The following ABCA7 variants were observed in gnomAD, a reference collection of about 807,000 sequenced individuals.
ABCA7 encodes the protein ATP binding cassette subfamily A member 7.
A neutral mutation model predicts 227.6 loss-of-function variants in ABCA7; 261 were observed. That is an observed-to-expected ratio of 1.15 (90% CI 1.04 to 1.27). The LOEUF (loss-of-function observed/expected upper bound fraction) is 1.27, where lower values mean the gene tolerates loss of function less well. Among genes scored for constraint, ABCA7 ranks in the 50% most tolerant of loss-of-function variants. The pLI, the probability that ABCA7 is intolerant of heterozygous loss-of-function variation, is 0.00. For synonymous variants in ABCA7, 1,488 were observed against 1,279.7 expected, an observed-to-expected ratio of 1.16 and a Z score of -3.47; for missense variants, 3,331 against 2,924.5, an observed-to-expected ratio of 1.14 and a Z score of -3.21.
Position 1,062,360 on chromosome 19 carries a change from G to T in ABCA7, c.5712+47G>T, listed in dbSNP as rs781313932. 2.5e-6 allele frequency: 4 copies of T among 1,586,348 alleles called. No individual in the cohort carries two copies. In the South Asian group the frequency reaches 4.5e-5, roughly 18 times the overall value. On this transcript the variant is annotated intron_variant, in intron 42 of 46. Transcript: ENST00000263094. The stretch of plus-strand genomic sequence containing the variant: ...CGCTCTCACCTCCCAGGGCCCACCC[G>T]ACCCAGGCCGTGCCTCTAAAGCCTG...
In ABCA7 at chr19:1,054,985, A is replaced by G; in HGVS notation, c.3950+107A>G. 1 of 1,534,050 alleles carries G rather than the reference A, an allele frequency of 6.5e-7. No homozygotes were observed. Among genetic ancestry groups the G allele is most frequent in the Non-Finnish European group, 8.8e-7 (1 of 1,138,024 alleles). On this transcript the variant is annotated intron_variant, in intron 29 of 46. Transcript: ENST00000263094. The surrounding 1 kb of genome is among the most constrained non-coding windows in gnomAD (Gnocchi z 4.8). ...GGCACCTGGAGCATCCCCTGTGCCCACCTGGGAGCTGGGAGCCTCTGTGGC... is the reference window on the plus strand; with the variant it reads ...GGCACCTGGAGCATCCCCTGTGCCCGCCTGGGAGCTGGGAGCCTCTGTGGC...
At position 1,046,749 on chromosome 19, in the gene ABCA7, A is replaced by AGG. The variant is rs142547735; in HGVS notation, c.1623-47_1623-46dup. On this transcript the variant is annotated intron_variant, in intron 13 of 46. Coordinates refer to ENST00000263094, the MANE Select transcript of ABCA7 (RefSeq NM_019112.4). ...ACCAGTCGTGCCAGATGGTGGGCGG[A>AGG]GGGGGGGTCTGCGGAGGGTCTCCAG... The AGG allele has an allele frequency of 8.7e-5, 129 of 1,482,892 alleles. No individual in the cohort carries two copies. The East Asian group carries it at 2.5e-3, about 29-fold the overall frequency. The allele number at this position is 1,482,892 out of a possible 1,614,324, so 91.9% of individuals were successfully genotyped here.
At chr19:1,062,664 AC>A (rs2042739154) in intron 42 of ABCA7, among the ~76,000 whole-genome samples, 5 of 151,840 alleles carry the variant, frequency 3.3e-5, no homozygotes, top group African/African-American at 1.2e-4. Context: ...CGCTGGGGTC[AC>A]GGTCACATTC....
chr19:1,045,553 C>T (rs928318224), intron 12 of ABCA7: 21 of 337,496 alleles, frequency 6.2e-5, no homozygotes, highest in Middle Eastern at 8.5e-4. Context: ...GGGTGCTGAG[C>T]GCAGTAGATC....
rs776624750 is a variant in ABCA7 at position 1,049,287 on chromosome 19, C to T, written c.2402C>T (p.Pro801Leu). ...DPKVLVEEAP[P>L]GLSPGVSVRS... ...GCAGTGCTGGTAGAAGAGGCACCGC[C>T]CGGCCTGAGTCCTGGCGTCTCCGTT... is the stretch of plus-strand genomic sequence containing the variant. Residue 801 changes from proline (P) to leucine (L), a missense_variant, in exon 18 of 47, where the codon CCC becomes CTC. By Grantham distance (98) the Pro-to-Leu change is moderately conservative. Coordinates refer to ENST00000263094, the MANE Select transcript of ABCA7 (RefSeq NM_019112.4). 2.5e-6 allele frequency: 4 copies of T among 1,609,104 alleles called. No homozygotes were observed. The South Asian group carries it at 4.4e-5, about 18-fold the overall frequency.
chr19:1,059,722 C>A lies in ABCA7; in HGVS notation c.5463+637C>A, dbSNP rs990098201. On this transcript the variant is annotated intron_variant, in intron 40 of 46. Transcript: ENST00000263094. ...GGGACTGCAGGCGCCTGCCATCACG[C>A]CTGGCTAATTTTTGTATTTTTAGTA... Among the ~76,000 whole-genome samples the A allele has an allele frequency of 2.0e-5, 3 of 151,652 alleles. No individual in the cohort carries two copies. In the Admixed American group the frequency reaches 2.0e-4, roughly 10 times the overall value.
intron 45 of ABCA7, 123 bp from the exon 46 acceptor site, chr19:1,064,808 C>T (rs2042934016): frequency 2.2e-6 from 3 of 1,392,938 alleles, no homozygotes; most frequent in Admixed American, 3.0e-5. Context: ...GACGGGAGGA[C>T]CACTTGATCG....
At chr19:1,046,040 C>A (rs28680440) in intron 12 of ABCA7, among the ~76,000 whole-genome samples, 190 bp from the exon 13 acceptor site, 1 of 152,092 alleles carries the variant, frequency 6.6e-6, no homozygotes, top group Non-Finnish European at 1.5e-5. Flanking sequence ...ATTAGCCAGG[C>A]GACTTGGGAG....
rs762951928 is a variant in ABCA7 at position 1,064,245 on chromosome 19, C to G, written c.6036C>G (p.Leu2012=). Reference sequence around the variant, plus strand: ...GCTGCCTGGGCAGCCCGCAACATCTCAAGGGCAGGTGAGCCGGCGCGGCCT... The same window carrying G: ...GCTGCCTGGGCAGCCCGCAACATCTGAAGGGCAGGTGAGCCGGCGCGGCCT... ...RFRCLGSPQH[L]KGRFAAGHTL... is the part of the protein sequence containing the mutation. The change falls in exon 45 of 47, where the codon CTC becomes CTG. Residue 2012 remains leucine (L), a synonymous_variant. Transcript: ENST00000263094. 11 of 1,563,048 alleles carry G rather than the reference C, an allele frequency of 7.0e-6. No homozygotes were observed. Among genetic ancestry groups the G allele is most frequent in the Admixed American group, 1.9e-5 (1 of 52,728 alleles).
At chr19:1,045,379 C>T in intron 12 of ABCA7, 148 bp downstream of exon 12, 1 of 819,290 alleles carries the variant, frequency 1.2e-6, no homozygotes. Flanking sequence ...GAGCCCGGGG[C>T]TCCTTAGACC....
rs763442934 is a variant in ABCA7, at chr19:1,065,354, C to T, written c.6370C>T (p.Pro2124Ser). 5.8e-5 allele frequency: 93 copies of T among 1,613,510 alleles called. No homozygotes were observed. The South Asian group carries it at 9.8e-4, about 17-fold the overall frequency. Residue 2124 changes from proline to serine, a missense_variant, in exon 47 of 47, where the codon CCA becomes TCA. Transcript: ENST00000263094. ...GGCAGGAGTGGGAGTGGACCCCGCGCCAGGCCTGCAGCACCCCAAACGCGT... is the reference window on the plus strand; with the variant it reads ...GGCAGGAGTGGGAGTGGACCCCGCGTCAGGCCTGCAGCACCCCAAACGCGT... ...KEAGVGVDPA[P>S]GLQHPKRVSQ...
chr19:1,048,327 G>A (rs1277262665), intron 16 of ABCA7, among the ~76,000 whole-genome samples: 1 of 150,012 alleles, frequency 6.7e-6, no homozygotes, highest in Non-Finnish European at 1.5e-5. Flanking sequence ...GAGAAACCCC[G>A]TCTCTACTAA....
rs747154333 is a variant in ABCA7, at chr19:1,049,313, C to A, written c.2428C>A (p.Arg810Ser). 5 of 1,611,332 alleles carry A rather than the reference C, an allele frequency of 3.1e-6. No individual in the cohort carries two copies. The highest frequency in any genetic ancestry group is 1.3e-5 in the African/African-American group (1 of 74,790). ...CGGCCTGAGTCCTGGCGTCTCCGTT[C>A]GCAGCCTGGAGAAGCGCTTTCCTGG... ...PPGLSPGVSVRSLEKRFPGSP... is the reference protein window; with the variant it reads ...PPGLSPGVSVSSLEKRFPGSP... Residue 810 changes from arginine to serine, a missense_variant, in exon 18 of 47, where the codon CGC (arginine) becomes AGC (serine). Arg to Ser is a moderately radical substitution (Grantham distance 110, BLOSUM62 -1). Transcript: ENST00000263094.
At chr19:1,053,260 C>A in intron 23 of ABCA7, 69 bp from the exon 24 acceptor site, 2 of 1,487,846 alleles carry the variant, frequency 1.3e-6, no homozygotes, top group Non-Finnish European at 1.8e-6. Context: ...GTCACCAATG[C>A]CTCTTCCCCA....
intron 40 of ABCA7, among the ~76,000 whole-genome samples, chr19:1,059,831 G>A (rs930883332): frequency 1.5e-4 from 23 of 152,306 alleles, no homozygotes; most frequent in African/African-American, 5.5e-4. Context: ...CAAAGTGCTG[G>A]GATTACAGGC....
intron 42 of ABCA7, 88 bp downstream of exon 42, chr19:1,062,401 C>G (rs906836456): frequency 1.9e-6 from 3 of 1,544,762 alleles, no homozygotes; most frequent in African/African-American, 2.7e-5. Flanking sequence ...ATCCCGCACT[C>G]TCTCGCCTTG....
At chr19:1,061,416 G>GAAAAA (rs1420432982) in intron 40 of ABCA7, among the ~76,000 whole-genome samples, 1 of 133,744 alleles carries the variant, frequency 7.5e-6, no homozygotes, top group African/African-American at 3.8e-5. Flanking sequence ...AAAAAAAGAG[G>GAAAAA]CTGGGTGCCG....
At chr19:1,044,930 C>T in intron 11 of ABCA7, 72 bp from the exon 12 acceptor site, 1 of 1,562,652 alleles carries the variant, frequency 6.4e-7, no homozygotes, top group Non-Finnish European at 8.7e-7. Flanking sequence ...CCCCGAGGTC[C>T]AGGGGGAGGA....
Position 1,046,990 on chromosome 19 carries a change from T to C in ABCA7, c.1811T>C (p.Leu604Pro). The C allele has an allele frequency of 6.3e-7, 1 of 1,579,320 alleles. No individual in the cohort carries two copies. The change falls in exon 14 of 47, where the codon CTG becomes CCG. Residue 604 changes from leucine (L) to proline (P), a missense_variant. Transcript: ENST00000263094. ...GWFLSCLGPF[L>P]LSAALLVLVL... Reference sequence around the variant, plus strand: ...TTCCTCAGCTGCCTCGGGCCCTTCCTGCTCAGCGCCGCACTGCTGGTTCTG... The same window carrying C: ...TTCCTCAGCTGCCTCGGGCCCTTCCCGCTCAGCGCCGCACTGCTGGTTCTG...
Sources: gnomAD v4.1 joint callset for allele counts (sites outside exome capture counted in the v4.1 genomes callset) on GRCh38, gnomAD v4.1.1 for gene constraint, Gnocchi (gnomAD v3.1) non-coding constraint, MANE v1.5 for transcripts, NCBI Gene and HGNC (gene_info 2026-07-23, HGNC 2026-07-21) for gene names.